PTPRT: variants seen among roughly 807,000 people sequenced by gnomAD.
PTPRT encodes the protein receptor-type tyrosine-protein phosphatase T.
In PTPRT, 56 loss-of-function variants were observed where a neutral mutation model predicts 176.8. The observed-to-expected ratio is 0.32, with a 90% CI of 0.26 to 0.40. The LOEUF is 0.40. Among genes scored for constraint, PTPRT ranks in the 10% least tolerant of loss-of-function variants. The pLI, the probability that PTPRT is intolerant of heterozygous loss-of-function variation, is 1.00. For synonymous variants in PTPRT, 783 were observed against 739.0 expected, an observed-to-expected ratio of 1.06 and a Z score of -0.96; for missense variants, 1,540 against 1,908.2, an observed-to-expected ratio of 0.81 and a Z score of 3.60.
chr20:42,637,302 C>T (rs1045454464), intron 7 of PTPRT, among the ~76,000 whole-genome samples: 1 of 152,156 alleles, frequency 6.6e-6, no homozygotes, highest in Non-Finnish European at 1.5e-5. Context: ...ATCCAAAGTC[C>T]TAACCATTGC....
intron 2 of PTPRT, among the ~76,000 whole-genome samples, chr20:42,816,309 A>T (rs2077784357): frequency 6.6e-6 from 1 of 152,222 alleles, no homozygotes; most frequent in Admixed American, 6.5e-5. Context: ...AGAGGTAGAG[A>T]AGATATGCTC....
chr20:43,187,947 C>T (rs912162431), intron 1 of PTPRT, among the ~76,000 whole-genome samples: 2 of 152,222 alleles, frequency 1.3e-5, no homozygotes, highest in African/African-American at 4.8e-5. Context: ...GCATCCGGAA[C>T]GGGCGGCGTT....
intron 2 of PTPRT, among the ~76,000 whole-genome samples, chr20:42,801,249 A>T (rs1252159529): frequency 6.6e-6 from 1 of 152,076 alleles, no homozygotes; most frequent in African/African-American, 2.4e-5. Flanking sequence ...CGTGTATCAC[A>T]CCATCTAACG....
intron 9 of PTPRT, among the ~76,000 whole-genome samples, chr20:42,431,469 T>C (rs181248092): frequency 6.6e-6 from 1 of 152,270 alleles, no homozygotes; most frequent in Admixed American, 6.5e-5. Context: ...TATAAAGGCA[T>C]CATGATTGTG....
intron 1 of PTPRT, among the ~76,000 whole-genome samples, chr20:43,088,675 G>C (rs2011705517): frequency 6.6e-6 from 1 of 152,092 alleles, no homozygotes; most frequent in Admixed American, 6.5e-5. Flanking sequence ...CAAACCCTCT[G>C]CCCAACCCAT....
intron 7 of PTPRT, among the ~76,000 whole-genome samples, chr20:42,591,795 A>G (rs2073578655): frequency 1.3e-5 from 2 of 152,058 alleles, no homozygotes; most frequent in Admixed American, 6.6e-5. Flanking sequence ...CTGAACCTCA[A>G]TTTTCCCATC....
chr20:42,883,721 C>CACCT (rs1302888442), intron 2 of PTPRT, among the ~76,000 whole-genome samples: 2 of 10,378 alleles, frequency 1.9e-4, no homozygotes, highest in African/African-American at 6.3e-4. Flanking sequence ...TACACACACA[C>CACCT]CCATACACCC....
At chr20:42,298,757 C>T (rs918205326) in intron 12 of PTPRT, among the ~76,000 whole-genome samples, 1 of 151,972 alleles carries the variant, frequency 6.6e-6, no homozygotes, top group Non-Finnish European at 1.5e-5. Context: ...CCTGTCTCTA[C>T]TAAAAATACA....
In PTPRT at chr20:42,511,349, A is replaced by ACT. The variant is rs1310809751; in HGVS notation, c.1154-38788_1154-38787insAG. 3.9e-5 allele frequency among the ~76,000 whole-genome samples: 6 copies of ACT among 152,284 alleles called. No homozygotes were observed. The East Asian group carries it at 1.2e-3, about 29-fold the overall frequency. On this transcript the variant is annotated intron_variant, in intron 7 of 30. Transcript: ENST00000373187. ...CAACAGACTTATCCTAGCCAAGACT[A>ACT]GTGTGAGGCAGTAACAGTGGGAAGT...
At chr20:42,633,011 A>G (rs1320948124) in intron 7 of PTPRT, among the ~76,000 whole-genome samples, 1 of 152,184 alleles carries the variant, frequency 6.6e-6, no homozygotes, top group Non-Finnish European at 1.5e-5. Context: ...GCTCTGCCTC[A>G]TGGAATAAGA....
chr20:43,166,984 C>G (rs2146452654), intron 1 of PTPRT, among the ~76,000 whole-genome samples: 1 of 152,264 alleles, frequency 6.6e-6, no homozygotes, highest in South Asian at 2.1e-4. Context: ...AAGAGCCTGA[C>G]TTGACCTGTT....
At chr20:42,589,557 AC>A (rs1402331794) in intron 7 of PTPRT, among the ~76,000 whole-genome samples, 1 of 152,130 alleles carries the variant, frequency 6.6e-6, no homozygotes. Context: ...AACTCTAATA[AC>A]CTGTACTTTG....
intron 1 of PTPRT, among the ~76,000 whole-genome samples, chr20:43,019,488 G>A (rs763092371): frequency 2.0e-5 from 3 of 151,830 alleles, no homozygotes; most frequent in South Asian, 2.1e-4. Flanking sequence ...GTGTGGTGGT[G>A]CATGTCTGTA....
At chr20:42,199,499 T>A in intron 15 of PTPRT, 111 bp from the exon 16 acceptor site, 1 of 1,241,904 alleles carries the variant, frequency 8.1e-7, no homozygotes, top group Non-Finnish European at 1.1e-6. Flanking sequence ...CAAATCTGGT[T>A]CATTCTCCAG....
chr20:42,559,375 T>C (rs933859912), intron 7 of PTPRT, among the ~76,000 whole-genome samples: 3 of 152,148 alleles, frequency 2.0e-5, no homozygotes, highest in African/African-American at 4.8e-5. Flanking sequence ...TAGCAACATA[T>C]GTAACTTATG....
At chr20:42,398,121 C>A (rs1462660582) in intron 9 of PTPRT, among the ~76,000 whole-genome samples, 3 of 151,736 alleles carry the variant, frequency 2.0e-5, no homozygotes, top group African/African-American at 2.4e-5. Context: ...GGTATACTAC[C>A]TCAAGGTATG....
In PTPRT at chr20:42,078,532, A is replaced by T; in HGVS notation, c.*2347T>A. On this transcript the variant is annotated 3_prime_UTR_variant, in exon 31 of 31. Coordinates refer to ENST00000373187, the MANE Select transcript of PTPRT (RefSeq NM_007050.6). The stretch of plus-strand genomic sequence containing the variant: ...GAATGTTTTCACAGTGTCTGATGAA[A>T]GGAAAAGAGGCAGCCCCATTGGCCC... 5.1e-6 allele frequency: 1 copy of T among 197,608 alleles called. No individual in the cohort carries two copies. The highest frequency in any genetic ancestry group is 7.8e-5 in the East Asian group (1 of 12,742). The allele number at this position is 197,608 out of a possible 1,614,324, so 12.2% of individuals were successfully genotyped here. A position where few individuals can be genotyped will look rare whatever the true frequency, so the allele number is the denominator to read the frequency against.
At position 42,149,612 on chromosome 20, in the gene PTPRT, C is replaced by A. The variant is rs558127791; in HGVS notation, c.2683-7610G>T. Among the ~76,000 whole-genome samples, 300 of 152,032 alleles carry A rather than the reference C, an allele frequency of 2.0e-3. 2 individuals carry two copies. The highest frequency in any genetic ancestry group is 3.1e-3 in the Non-Finnish European group (210 of 67,992). On this transcript the variant is annotated intron_variant, in intron 17 of 30. Transcript: ENST00000373187. ...CTAATTTTTGTATTTTTAATAGAGA[C>A]GGGGTTTCTCCATGTTGGTCAAGCT... is the stretch of plus-strand genomic sequence containing the variant.
At chr20:42,500,823 C>G (rs1293038992) in intron 7 of PTPRT, among the ~76,000 whole-genome samples, 1 of 152,100 alleles carries the variant, frequency 6.6e-6, no homozygotes, top group African/African-American at 2.4e-5. Flanking sequence ...TAATTTTATG[C>G]ACTTAGGCAG....
Sources: allele counts gnomAD v4.1 joint callset (sites outside exome capture counted in the v4.1 genomes callset), GRCh38; gene constraint gnomAD v4.1.1; transcripts MANE v1.5; gene names NCBI Gene and HGNC (gene_info 2026-07-23, HGNC 2026-07-21).